Variants in CACNA2D3 observed in about 807,000 individuals in gnomAD.
CACNA2D3 encodes voltage-dependent calcium channel subunit alpha-2/delta-3.
Under a neutral mutation model 160.6 loss-of-function variants are expected in CACNA2D3, and 60 were observed. The observed-to-expected ratio is 0.37, with a 90% CI of 0.30 to 0.46. CACNA2D3 has a LOEUF of 0.46. Ranked by LOEUF, CACNA2D3 falls within the 20% of genes least tolerant of loss-of-function variation. The pLI is 1.00. For synonymous variants in CACNA2D3, 558 were observed against 492.9 expected, an observed-to-expected ratio of 1.13 and a Z score of -1.75; for missense variants, 1,205 against 1,365.0, an observed-to-expected ratio of 0.88 and a Z score of 1.85.
chr3:54,437,893 G>A (rs1309796621), intron 4 of CACNA2D3, among the ~76,000 whole-genome samples: 5 of 152,212 alleles, frequency 3.3e-5, no homozygotes, highest in African/African-American at 1.2e-4. Flanking sequence ...AGTGTTTGCA[G>A]TTGGTGCACT....
chr3:54,431,350 A>G (rs1699987561), intron 4 of CACNA2D3, among the ~76,000 whole-genome samples: 1 of 151,826 alleles, frequency 6.6e-6, no homozygotes, highest in African/African-American at 2.4e-5. Flanking sequence ...AGAAAAAAGA[A>G]AAATCATAAA....
intron 13 of CACNA2D3, among the ~76,000 whole-genome samples, chr3:54,797,869 A>T (rs566960673): frequency 6.6e-6 from 1 of 152,224 alleles, no homozygotes; most frequent in African/African-American, 2.4e-5. Flanking sequence ...TGCTATGCAA[A>T]TGTAAAGCTC....
intron 5 of CACNA2D3, among the ~76,000 whole-genome samples, chr3:54,561,503 A>G (rs1047478753): frequency 6.6e-6 from 1 of 152,218 alleles, no homozygotes; most frequent in African/African-American, 2.4e-5. Context: ...TTCCAGGTAT[A>G]GGATCATGTC....
At chr3:54,513,149 T>C (rs1701486674) in intron 5 of CACNA2D3, among the ~76,000 whole-genome samples, 2 of 152,208 alleles carry the variant, frequency 1.3e-5, no homozygotes, top group African/African-American at 4.8e-5. Flanking sequence ...CTTTAAGTAA[T>C]GCTCTGCTTT....
intron 2 of CACNA2D3, among the ~76,000 whole-genome samples, chr3:54,241,673 C>T (rs1701975387): frequency 6.6e-6 from 1 of 152,030 alleles, no homozygotes. Flanking sequence ...GGGATGGATG[C>T]CAGACTGGCA....
chr3:54,286,162 A>G (rs1703019354), intron 2 of CACNA2D3, among the ~76,000 whole-genome samples: 2 of 152,222 alleles, frequency 1.3e-5, no homozygotes, highest in African/African-American at 4.8e-5. Context: ...ACCAATGGCA[A>G]AGAAGTTAAA....
At chr3:54,498,506 T>C (rs1248707428) in intron 4 of CACNA2D3, among the ~76,000 whole-genome samples, 1 of 152,020 alleles carries the variant, frequency 6.6e-6, no homozygotes, top group Non-Finnish European at 1.5e-5. Flanking sequence ...ATTTCATAAT[T>C]TTGTTAATTA....
At chr3:54,805,089 A>G (rs1264700732) in intron 13 of CACNA2D3, among the ~76,000 whole-genome samples, 1 of 152,224 alleles carries the variant, frequency 6.6e-6, no homozygotes, top group Non-Finnish European at 1.5e-5. Flanking sequence ...AATGCCCACA[A>G]GAGAAAGCAG....
At chr3:54,602,709 GA>G (rs1703086401) in intron 9 of CACNA2D3, among the ~76,000 whole-genome samples, 1 of 152,116 alleles carries the variant, frequency 6.6e-6, no homozygotes, top group African/African-American at 2.4e-5. Flanking sequence ...GCCTTCAAAA[GA>G]GTACTGACAT....
chr3:54,289,178 C>G (rs1392972700), intron 2 of CACNA2D3, among the ~76,000 whole-genome samples: 4 of 152,172 alleles, frequency 2.6e-5, no homozygotes, highest in South Asian at 2.1e-4. Context: ...AGCCCAAAAT[C>G]TCCTTCAGCT....
Position 54,899,846 on chromosome 3 carries a change from A to G in CACNA2D3, c.2427A>G (p.Glu809=). 6.2e-7 allele frequency: 1 copy of G among 1,605,682 alleles called. No homozygotes were observed. The highest frequency in any genetic ancestry group is 8.5e-7 in the Non-Finnish European group (1 of 1,175,808). Reference sequence around the variant, plus strand: ...GTACATCCATCCAGCTCCTGGATGAACGGAAATCTCCTGTGGTGGCAGGTA... The same window carrying G: ...GTACATCCATCCAGCTCCTGGATGAGCGGAAATCTCCTGTGGTGGCAGGTA... ...TASTSIQLLD[E]RKSPVVAAVG... is the part of the protein sequence containing the mutation. Residue 809 remains glutamate, a synonymous_variant, in exon 27 of 38, where the codon GAA becomes GAG. Transcript: ENST00000474759.
chr3:54,454,653 G>A (rs1700366766), intron 4 of CACNA2D3, among the ~76,000 whole-genome samples: 1 of 151,912 alleles, frequency 6.6e-6, no homozygotes, highest in South Asian at 2.1e-4. Context: ...ACAATAAATT[G>A]TTAGTTATAG....
In CACNA2D3 at chr3:54,332,100, G is replaced by A. The variant is rs954842384; in HGVS notation, c.321+11542G>A. 8.5e-5 allele frequency among the ~76,000 whole-genome samples: 13 copies of A among 152,100 alleles called. 1 individual carries two copies. The highest frequency in any genetic ancestry group is 1.9e-4 in the East Asian group (1 of 5,190). On this transcript the variant is annotated intron_variant, in intron 3 of 37. Transcript: ENST00000474759. ...TAGAAAAAATAATTCATTAAACTTC[G>A]TTCTAGAAAGAAAGAGCATTAAGCC... is the stretch of plus-strand genomic sequence containing the variant.
intron 11 of CACNA2D3, among the ~76,000 whole-genome samples, chr3:54,681,987 G>A (rs1416363207): frequency 2.0e-5 from 3 of 152,076 alleles, no homozygotes; most frequent in Non-Finnish European, 4.4e-5. Flanking sequence ...CCCAGCCCCT[G>A]ATGCAAGCTT....
chr3:54,579,202 A>G (rs1702635240), intron 8 of CACNA2D3, among the ~76,000 whole-genome samples: 1 of 152,188 alleles, frequency 6.6e-6, no homozygotes. Flanking sequence ...GCTCTGGTTT[A>G]TAGAACAGGT....
chr3:54,871,446 C>T lies in CACNA2D3; in HGVS notation c.1627-93C>T. 7 of 901,138 alleles carry T rather than the reference C, an allele frequency of 7.8e-6. No homozygotes were observed. The South Asian group carries it at 1.1e-4, about 14-fold the overall frequency. The allele number at this position is 901,138 out of a possible 1,614,324, so 55.8% of individuals were successfully genotyped here. On this transcript the variant is annotated intron_variant, in intron 17 of 37. Coordinates refer to ENST00000474759, the MANE Select transcript of CACNA2D3 (RefSeq NM_018398.3). Reference sequence around the variant, plus strand: ...TCATCGGTCCACTCCCAAGCCCTGTCCATGAAACAGGACTTGGGAAGGTAA... The same window carrying T: ...TCATCGGTCCACTCCCAAGCCCTGTTCATGAAACAGGACTTGGGAAGGTAA...
At chr3:55,062,052 C>A (rs764050322) in intron 35 of CACNA2D3, among the ~76,000 whole-genome samples, 11 of 152,176 alleles carry the variant, frequency 7.2e-5, no homozygotes, top group Non-Finnish European at 1.6e-4. Context: ...CAACCTTGTA[C>A]TATATTCTAT....
chr3:54,265,530 ATGTGTGTGTGTG>A (rs59375998), intron 2 of CACNA2D3, among the ~76,000 whole-genome samples: 2 of 134,816 alleles, frequency 1.5e-5, no homozygotes, highest in Non-Finnish European at 3.1e-5. Flanking sequence ...AACTTAAAGT[ATGTGTGTGTGTG>A]TGTGTGTGTG....
chr3:55,006,331 C>T (rs9876796), intron 32 of CACNA2D3, among the ~76,000 whole-genome samples: 6,929 of 152,246 alleles, frequency 0.046, 543 homozygotes, highest in African/African-American at 0.16. Context: ...CGAGCTGCCC[C>T]TGCTTCTGGC....
Sources: gnomAD v4.1 joint callset for allele counts (sites outside exome capture counted in the v4.1 genomes callset) on GRCh38, gnomAD v4.1.1 for gene constraint, MANE v1.5 for transcripts, NCBI Gene and HGNC (gene_info 2026-07-23, HGNC 2026-07-21) for gene names.